The following LRGUK variants were observed in gnomAD, a reference collection of about 807,000 sequenced individuals.
LRGUK encodes leucine-rich repeat and guanylate kinase domain-containing protein.
LRGUK carries 65 observed loss-of-function variants against 76.0 expected under a neutral mutation model. The observed-to-expected ratio is 0.85, with a 90% CI of 0.70 to 1.05. LRGUK has a LOEUF of 1.05. LRGUK is among the 50% of genes least tolerant of loss of function. The pLI, the probability that LRGUK is intolerant of heterozygous loss-of-function variation, is 0.00. For missense variants in LRGUK, 758 were observed against 732.8 expected, an observed-to-expected ratio of 1.03 and a Z score of -0.40; for synonymous variants, 268 against 265.6, an observed-to-expected ratio of 1.01 and a Z score of -0.09.
chr7:134,201,995 C>T (rs1003447247), intron 15 of LRGUK, among the ~76,000 whole-genome samples: 6 of 152,092 alleles, frequency 3.9e-5, no homozygotes, highest in Admixed American at 2.0e-4. Context: ...TACTGTGCTG[C>T]GGAATACAGT....
downstream of LRGUK, among the ~76,000 whole-genome samples, chr7:134,214,219 C>CA (rs1563187156): frequency 6.8e-6 from 1 of 147,794 alleles, no homozygotes; most frequent in Admixed American, 6.7e-5. Flanking sequence ...ACAGGATAGA[C>CA]TTTTTTTTTT....
intron 12 of LRGUK, 106 bp from the exon 13 acceptor site, chr7:134,196,886 G>A (rs1800507597): frequency 1.7e-6 from 1 of 580,540 alleles, no homozygotes; most frequent in African/African-American, 1.9e-5. Context: ...GCTAAAATTT[G>A]TAAGGTTTTT....
chr7:134,153,806 A>C (rs1281692958), intron 5 of LRGUK, among the ~76,000 whole-genome samples: 1 of 152,188 alleles, frequency 6.6e-6, no homozygotes, highest in East Asian at 1.9e-4. Context: ...GGTGATACAG[A>C]TCTTTCAGGA....
intron 16 of LRGUK, among the ~76,000 whole-genome samples, chr7:134,230,366 A>G (rs534621803): frequency 9.0e-4 from 137 of 152,326 alleles, no homozygotes; most frequent in Non-Finnish European, 1.5e-3. Flanking sequence ...ATGTGGGGCA[A>G]TGGAAACTCT....
chr7:134,182,219 G>A (rs138689922), intron 10 of LRGUK, among the ~76,000 whole-genome samples: 47 of 152,264 alleles, frequency 3.1e-4, no homozygotes, highest in African/African-American at 1.1e-3. Context: ...ATTCCATGGC[G>A]TGAAAGTATC....
chr7:134,177,908 G>A (rs1399214857), intron 9 of LRGUK, among the ~76,000 whole-genome samples: 2 of 152,192 alleles, frequency 1.3e-5, no homozygotes, highest in Admixed American at 6.5e-5. Context: ...GCATATGATA[G>A]ATGAGGATAA....
chr7:134,231,904 T>C (rs1352474340), intron 16 of LRGUK, among the ~76,000 whole-genome samples: 3 of 146,668 alleles, frequency 2.0e-5, no homozygotes, highest in Non-Finnish European at 3.0e-5. Context: ...CCCTGCTTCC[T>C]TCCCTTCCTC....
chr7:134,138,177 C>T (rs1181000894), intron 2 of LRGUK, among the ~76,000 whole-genome samples: 1 of 152,198 alleles, frequency 6.6e-6, no homozygotes, highest in East Asian at 1.9e-4. Flanking sequence ...AGTGCATCCC[C>T]ACACAAGCCC....
intron 15 of LRGUK, among the ~76,000 whole-genome samples, chr7:134,217,548 A>G (rs1195327754): frequency 2.0e-5 from 3 of 152,146 alleles, no homozygotes; most frequent in Non-Finnish European, 4.4e-5. Context: ...TTGCTATGGA[A>G]ATTATCATGG....
At chr7:134,157,957 T>G in intron 5 of LRGUK, 78 bp from the exon 6 acceptor site, 1 of 1,310,892 alleles carries the variant, frequency 7.6e-7, no homozygotes. Flanking sequence ...CTTTGTCTAG[T>G]GATGATTTAA....
At chr7:134,148,622 T>C (rs1226598311) in intron 5 of LRGUK, among the ~76,000 whole-genome samples, 1 of 152,200 alleles carries the variant, frequency 6.6e-6, no homozygotes, top group East Asian at 1.9e-4. Flanking sequence ...GAAGAAGTTC[T>C]GTTGTAATTA....
chr7:134,201,587 A>C lies in LRGUK; in HGVS notation c.1843+11A>C. ...TGGCTACAACTGCAGGTACTATTCT[A>C]TCATTTTTGTGCCAGGATTTTTTTT... is the stretch of plus-strand genomic sequence containing the variant. On this transcript the variant is annotated intron_variant, in intron 15 of 15. Coordinates refer to ENST00000645682, the Ensembl canonical transcript of LRGUK. The C allele has an allele frequency of 6.3e-7, 1 of 1,587,556 alleles. No individual in the cohort carries two copies. Among genetic ancestry groups the C allele is most frequent in the Non-Finnish European group, 8.6e-7 (1 of 1,166,986 alleles).
intron 16 of LRGUK, among the ~76,000 whole-genome samples, chr7:134,239,674 C>T (rs193061694): frequency 6.9e-4 from 105 of 152,336 alleles, no homozygotes; most frequent in Non-Finnish European, 2.2e-4. Context: ...ACTTAAACGT[C>T]CCTGTCTGAC....
chr7:134,127,347 T>C, exon 1 of LRGUK: 1 of 1,569,616 alleles, frequency 6.4e-7, no homozygotes, highest in Admixed American at 1.8e-5. Context: ...GTCAGTCTCC[T>C]AGGCAACCCC....
intron 4 of LRGUK, among the ~76,000 whole-genome samples, chr7:134,146,550 A>G (rs1797977471): frequency 6.6e-6 from 1 of 152,194 alleles, no homozygotes; most frequent in Non-Finnish European, 1.5e-5. Flanking sequence ...TTGTATATGC[A>G]TACATTTGGT....
At chr7:134,149,659 G>A (rs1234855653) in intron 5 of LRGUK, among the ~76,000 whole-genome samples, 1 of 152,190 alleles carries the variant, frequency 6.6e-6, no homozygotes, top group African/African-American at 2.4e-5. Flanking sequence ...ATCAGAAAGT[G>A]ACCAATATAA....
the LRGUK span, among the ~76,000 whole-genome samples, chr7:134,274,553 A>C: frequency 6.6e-6 from 1 of 152,074 alleles, no homozygotes; most frequent in Admixed American, 6.6e-5. Context: ...TTGTTCTGTA[A>C]TAGATGGTGT....
At chr7:134,157,150 A>G (rs1220910667) in intron 5 of LRGUK, among the ~76,000 whole-genome samples, 1 of 152,228 alleles carries the variant, frequency 6.6e-6, no homozygotes, top group Non-Finnish European at 1.5e-5. Flanking sequence ...TGAAGAAAGT[A>G]AGGCAGAGTT....
chr7:134,139,868 A>C (rs1797696509), intron 3 of LRGUK, among the ~76,000 whole-genome samples: 1 of 151,870 alleles, frequency 6.6e-6, no homozygotes, highest in East Asian at 1.9e-4. Flanking sequence ...CAGATGAATT[A>C]GTCTTTTTTT....
Sources: gnomAD v4.1 joint callset for allele counts (sites outside exome capture counted in the v4.1 genomes callset) on GRCh38, gnomAD v4.1.1 for gene constraint, MANE v1.5 for transcripts, NCBI Gene and HGNC (gene_info 2026-07-23, HGNC 2026-07-21) for gene names.